The following DLGAP2 variants were observed in gnomAD, a reference collection of about 807,000 sequenced individuals.
The protein encoded by DLGAP2 is DLG associated protein 2.
DLGAP2 carries 26 observed loss-of-function variants against 100.3 expected under a neutral mutation model. That is an observed-to-expected ratio of 0.26 (90% confidence interval 0.19 to 0.36). The LOEUF is 0.36. Among genes scored for constraint, DLGAP2 ranks in the 10% least tolerant of loss-of-function variants. The pLI, the probability that DLGAP2 is intolerant of heterozygous loss-of-function variation, is 1.00. For missense variants in DLGAP2, 1,858 were observed against 1,453.2 expected (o/e 1.28, Z -4.53); for synonymous variants, 886 against 630.1 (o/e 1.41, Z -6.08).
chr8:929,050 G>C (rs145302083), intron 2 of DLGAP2, among the ~76,000 whole-genome samples: 44 of 4,824 alleles, frequency 9.1e-3, no homozygotes, highest in African/African-American at 0.028. Flanking sequence ...CATTCCCCCT[G>C]TAAACATCCC....
intron 2 of DLGAP2, among the ~76,000 whole-genome samples, chr8:1,037,005 C>G (rs571515597): frequency 1.3e-5 from 2 of 152,248 alleles, no homozygotes; most frequent in South Asian, 4.2e-4. Flanking sequence ...GAGCCAGTGA[C>G]TGGGGAATGC....
At chr8:1,152,234 C>G (rs142332547) in intron 2 of DLGAP2, among the ~76,000 whole-genome samples, 2 of 152,164 alleles carry the variant, frequency 1.3e-5, no homozygotes, top group East Asian at 1.9e-4. Flanking sequence ...ATTGTTGATA[C>G]TAATACTTTG....
chr8:1,086,082 G>C (rs552046306), intron 2 of DLGAP2, among the ~76,000 whole-genome samples: 2 of 152,078 alleles, frequency 1.3e-5, no homozygotes, highest in African/African-American at 4.8e-5. Context: ...TGTTAGTGTA[G>C]AGAAACACTA....
chr8:1,097,761 A>G (rs1189474432), intron 2 of DLGAP2, among the ~76,000 whole-genome samples: 11 of 105,350 alleles, frequency 1.0e-4, no homozygotes, highest in African/African-American at 3.6e-4. Context: ...GCAGGCCTTC[A>G]CCCTTTGTGG....
chr8:877,841 A>G (rs1797714376), intron 1 of DLGAP2, among the ~76,000 whole-genome samples: 1 of 152,200 alleles, frequency 6.6e-6, no homozygotes, highest in Admixed American at 6.5e-5. Context: ...AATGCTAGCG[A>G]TGGCCCATAA....
At chr8:1,067,214 C>G (rs946539805) in intron 2 of DLGAP2, among the ~76,000 whole-genome samples, 2 of 152,214 alleles carry the variant, frequency 1.3e-5, no homozygotes, top group Non-Finnish European at 2.9e-5. Context: ...GGATCCAAGT[C>G]CCATCTGACC....
rs192147972 is a variant in DLGAP2 at position 838,602 on chromosome 8, C to G, written c.19-69310C>G. Among the ~76,000 whole-genome samples, 13 of 151,974 alleles carry G rather than the reference C, an allele frequency of 8.6e-5. No individual in the cohort carries two copies. In the East Asian group the frequency reaches 2.1e-3, roughly 25 times the overall value. On this transcript the variant is annotated intron_variant, in intron 1 of 14. Transcript: ENST00000637795. ...AGTGGATTTCCCTTTCTAGCTTGGA[C>G]AAGTGCTCAGGGACACCAAAAAAAG...
At chr8:1,303,410 A>C (rs77307117) in intron 3 of DLGAP2, among the ~76,000 whole-genome samples, 2 of 150,238 alleles carry the variant, frequency 1.3e-5, no homozygotes, top group East Asian at 1.9e-4. Context: ...AACAAAAAAA[A>C]AAAAAAAAAA....
intron 1 of DLGAP2, among the ~76,000 whole-genome samples, chr8:756,205 T>TG (rs911227316): frequency 2.6e-5 from 4 of 152,048 alleles, no homozygotes; most frequent in East Asian, 3.9e-4. Context: ...AGCTGGCGTC[T>TG]GGGGGGGATA....
intron 2 of DLGAP2, among the ~76,000 whole-genome samples, chr8:1,076,039 G>A (rs1411647628): frequency 2.0e-5 from 3 of 152,206 alleles, no homozygotes; most frequent in Non-Finnish European, 4.4e-5. Context: ...GTCTCTCAAA[G>A]AGAAAGAGGA....
chr8:1,137,938 G>A (rs561719602), intron 2 of DLGAP2, among the ~76,000 whole-genome samples: 23 of 152,222 alleles, frequency 1.5e-4, no homozygotes, highest in Non-Finnish European at 5.9e-5. Context: ...CTGCAGGCAT[G>A]GGCCGCCATG....
At chr8:1,483,452 G>T (rs140775158) in intron 3 of DLGAP2, among the ~76,000 whole-genome samples, 2 of 147,866 alleles carry the variant, frequency 1.4e-5, no homozygotes, top group African/African-American at 5.2e-5. Flanking sequence ...GAGGCTCAGG[G>T]AGCAGGACCT....
At chr8:1,538,885 CTTT>C (rs11285812) in intron 4 of DLGAP2, among the ~76,000 whole-genome samples, 8,176 of 110,334 alleles carry the variant, frequency 0.074, 779 homozygotes, top group African/African-American at 0.23. Context: ...TGTCACTCAT[CTTT>C]TTTTTTTTTT....
intron 2 of DLGAP2, among the ~76,000 whole-genome samples, chr8:918,314 C>G (rs1381188284): frequency 6.6e-6 from 1 of 152,126 alleles, no homozygotes; most frequent in Non-Finnish European, 1.5e-5. Context: ...CAGTCAAGGC[C>G]CCTTAAAATG....
At chr8:1,700,597 G>C (rs762485249) in intron 14 of DLGAP2, among the ~76,000 whole-genome samples, 8 of 150,818 alleles carry the variant, frequency 5.3e-5, no homozygotes, top group Non-Finnish European at 1.0e-4. Context: ...AGCTAAGGGT[G>C]AGAAATACTT....
At chr8:1,164,319 T>C (rs1397745178) in intron 2 of DLGAP2, among the ~76,000 whole-genome samples, 1 of 128,010 alleles carries the variant, frequency 7.8e-6, no homozygotes, top group Non-Finnish European at 1.9e-5. Flanking sequence ...TTTTTGTTTG[T>C]GGGGACAGAT....
chr8:1,107,358 C>A (rs1418333234), intron 2 of DLGAP2, among the ~76,000 whole-genome samples: 5 of 152,194 alleles, frequency 3.3e-5, no homozygotes, highest in African/African-American at 1.2e-4. Flanking sequence ...GTTGCTGAGC[C>A]CCCGCACCCG....
At chr8:1,651,825 A>T (rs879504362) in intron 8 of DLGAP2, among the ~76,000 whole-genome samples, 1 of 152,212 alleles carries the variant, frequency 6.6e-6, no homozygotes, top group African/African-American at 2.4e-5. Context: ...GTTAAAAAAA[A>T]ACGAAGTGAT....
intron 2 of DLGAP2, among the ~76,000 whole-genome samples, chr8:1,065,157 C>T (rs1187397284): frequency 6.6e-6 from 1 of 152,196 alleles, no homozygotes; most frequent in African/African-American, 2.4e-5. Context: ...TTATTCACCC[C>T]TGAGCTTCTG....
Sources: allele counts gnomAD v4.1 joint callset (sites outside exome capture counted in the v4.1 genomes callset), GRCh38; gene constraint gnomAD v4.1.1; transcripts MANE v1.5; gene names NCBI Gene and HGNC (gene_info 2026-07-23, HGNC 2026-07-21).